Variants in DMTF1 observed in about 807,000 individuals in gnomAD.
DMTF1 encodes the protein cyclin D binding myb like transcription factor 1.
DMTF1 carries 39 observed loss-of-function variants against 91.1 expected under a neutral mutation model. The ratio of observed to expected loss-of-function variants is 0.43; its 90% confidence interval spans 0.33 to 0.56. The LOEUF is 0.56. DMTF1 is among the 20% of genes least tolerant of loss of function. DMTF1 has a pLI of 0.05. For synonymous variants in DMTF1, 338 were observed against 309.5 expected (o/e 1.09, Z -0.97); for missense variants, 750 against 914.5 (o/e 0.82, Z 2.32).
At chr7:87,178,202 A>G (rs1796637890) in intron 7 of DMTF1, among the ~76,000 whole-genome samples, 1 of 152,082 alleles carries the variant, frequency 6.6e-6, no homozygotes, top group South Asian at 2.1e-4. Context: ...CTAAGTTCTG[A>G]TGCTCTTAAT....
Position 87,194,065 on chromosome 7 carries a change from A to C in DMTF1, c.1991A>C (p.Glu664Ala). The C allele has an allele frequency of 6.2e-7, 1 of 1,609,260 alleles. No individual in the cohort carries two copies. Among genetic ancestry groups the C allele is most frequent in the Non-Finnish European group, 8.5e-7 (1 of 1,177,850 alleles). The change falls in exon 16 of 18, where the codon GAA becomes GCA. Residue 664 changes from glutamate (E) to alanine (A), a missense_variant. Glu to Ala is a moderately radical substitution (Grantham distance 107). Transcript: ENST00000331242. ...EISDTDLKQE[E>A]SPSDLASAYV... The stretch of plus-strand genomic sequence containing the variant: ...TCTGACACCGACCTTAAACAAGAGG[A>C]ATCACCCTCTGATTTAGCCAGTGCT...
chr7:87,176,333 T>C (rs1340873308), intron 7 of DMTF1, among the ~76,000 whole-genome samples: 1 of 152,236 alleles, frequency 6.6e-6, no homozygotes, highest in Non-Finnish European at 1.5e-5. Context: ...TGTCCTCTAG[T>C]CACATATGCT....
rs549252865 is a variant in DMTF1 at position 87,188,336 on chromosome 7, G to A, written c.1411+35G>A. The stretch of plus-strand genomic sequence containing the variant: ...TGATCTTCAAGATTCCTTGCTGTTT[G>A]ATCTATATGATTTGGTTAATGGCTC... On this transcript the variant is annotated intron_variant, in intron 13 of 17. Coordinates refer to ENST00000331242, the MANE Select transcript of DMTF1 (RefSeq NM_001142327.2). The A allele has an allele frequency of 1.1e-5, 17 of 1,608,258 alleles. No individual in the cohort carries two copies. The South Asian group carries it at 1.9e-4, about 18-fold the overall frequency.
At chr7:87,188,559 C>G (rs573932614) in intron 13 of DMTF1, among the ~76,000 whole-genome samples, 1 of 152,192 alleles carries the variant, frequency 6.6e-6, no homozygotes, top group South Asian at 2.1e-4. Flanking sequence ...TAATTAATGA[C>G]TTAATAGAAA....
At chr7:87,175,869 A>G (rs1260872656) in intron 7 of DMTF1, among the ~76,000 whole-genome samples, 1 of 152,210 alleles carries the variant, frequency 6.6e-6, no homozygotes, top group Non-Finnish European at 1.5e-5. Flanking sequence ...CCTATAAGAG[A>G]TGAGAAGCAT....
chr7:87,177,081 TTAGAA>T (rs1395381941), intron 7 of DMTF1, among the ~76,000 whole-genome samples: 1 of 152,128 alleles, frequency 6.6e-6, no homozygotes, highest in Non-Finnish European at 1.5e-5. Flanking sequence ...ATTCTAAAAT[TTAGAA>T]ATTTTTTGCT....
intron 4 of DMTF1, 54 bp downstream of exon 4, chr7:87,166,659 G>T: frequency 6.4e-7 from 1 of 1,563,332 alleles, no homozygotes; most frequent in Non-Finnish European, 8.8e-7. Context: ...TCAAAGTTTA[G>T]CTTCCAAGGC....
chr7:87,154,259 A>G (rs907699215), intron 1 of DMTF1: 4 of 152,334 alleles, frequency 2.6e-5, no homozygotes, highest in East Asian at 3.9e-4. Context: ...TTGTATCTGG[A>G]AAAAACCATT....
chr7:87,189,786 C>T (rs796754501), intron 13 of DMTF1, among the ~76,000 whole-genome samples: 11 of 152,192 alleles, frequency 7.2e-5, no homozygotes, highest in African/African-American at 2.4e-4. Flanking sequence ...AGCTTTTAAA[C>T]AACCCTTTGA....
Position 87,193,342 on chromosome 7 carries a change from C to G in DMTF1, c.1639C>G (p.His547Asp). Residue 547 changes from histidine to aspartate, a missense_variant, in exon 15 of 18, where the codon CAT becomes GAT. By Grantham distance (81) the His-to-Asp change is moderately conservative. Coordinates refer to ENST00000331242, the MANE Select transcript of DMTF1 (RefSeq NM_001142327.2). ...APASPEQIIV[H>D]ALSPEHLLNT... ...TGCTTCTCCTGAACAGATTATTGTT[C>G]ATGCTTTATCCGTATGTTACATAAA... 1 of 1,613,114 alleles carries G rather than the reference C, an allele frequency of 6.2e-7. No homozygotes were observed. The highest frequency in any genetic ancestry group is 8.5e-7 in the Non-Finnish European group (1 of 1,179,436).
In DMTF1 at chr7:87,193,223, C is replaced by T. The variant is rs985662747; in HGVS notation, c.1520C>T (p.Thr507Ile). ...LPSFHLQPTG[T>I]PGTYLLQTSS... Reference sequence around the variant, plus strand: ...TCTTTCCATCTACAGCCCACTGGCACTCCAGGCACCTACCTACTTCAAACA... The same window carrying T: ...TCTTTCCATCTACAGCCCACTGGCATTCCAGGCACCTACCTACTTCAAACA... Residue 507 changes from threonine (T) to isoleucine (I), a missense_variant, in exon 15 of 18, where the codon ACT (threonine) becomes ATT (isoleucine). Physicochemically the swap from Thr to Ile is moderately conservative, Grantham distance 89. This residue lies in a region of DMTF1 where 410 missense variants were observed against 420.2 expected (regional missense o/e 0.98). Transcript: ENST00000331242. 4 of 1,613,266 alleles carry T rather than the reference C, an allele frequency of 2.5e-6. No homozygotes were observed. The African/African-American group carries it at 5.3e-5, about 22-fold the overall frequency.
At chr7:87,194,188 T>G in intron 16 of DMTF1, 86 bp downstream of exon 16, 3 of 1,442,556 alleles carry the variant, frequency 2.1e-6, no homozygotes, top group Non-Finnish European at 1.8e-6. Context: ...TGAAGACTCA[T>G]GAAATTAAGC....
At position 87,179,672 on chromosome 7, in the gene DMTF1, G is replaced by A; in HGVS notation, c.647G>A (p.Arg216His). Residue 216 changes from arginine to histidine, a missense_variant, in exon 8 of 18, where the codon CGC (arginine) becomes CAC (histidine). By Grantham distance (29) the Arg-to-His change is conservative (BLOSUM62 0). Around this residue, in one of 3 missense-constraint regions of DMTF1, gnomAD observed 190 missense variants for 343.8 expected, o/e 0.55. Transcript: ENST00000331242. ...PLFAVYRRVLRMYDDRNHVGK... is the reference protein window; with the variant it reads ...PLFAVYRRVLHMYDDRNHVGK... Reference sequence around the variant, plus strand: ...TTTGCAGTTTATAGAAGAGTGCTTCGCATGTATGATGACAGAAACCATGTG... The same window carrying A: ...TTTGCAGTTTATAGAAGAGTGCTTCACATGTATGATGACAGAAACCATGTG... 1.3e-6 allele frequency: 2 copies of A among 1,580,882 alleles called. No homozygotes were observed. Among genetic ancestry groups the A allele is most frequent in the Non-Finnish European group, 8.6e-7 (1 of 1,168,228 alleles).
intron 4 of DMTF1, among the ~76,000 whole-genome samples, chr7:87,168,578 CATT>C (rs1301228082): frequency 1.3e-5 from 2 of 152,126 alleles, no homozygotes; most frequent in African/African-American, 4.8e-5. Flanking sequence ...TATGGTTAAT[CATT>C]ATAATCACTG....
chr7:87,162,272 A>C (rs905310112), intron 1 of DMTF1, among the ~76,000 whole-genome samples: 1 of 152,058 alleles, frequency 6.6e-6, no homozygotes, highest in Non-Finnish European at 1.5e-5. Flanking sequence ...ACTAGATCTC[A>C]CTATCTCAGG....
intron 1 of DMTF1, among the ~76,000 whole-genome samples, chr7:87,158,993 G>T (rs1168290930): frequency 6.6e-6 from 1 of 152,022 alleles, no homozygotes; most frequent in African/African-American, 2.4e-5. Context: ...CAGATTACAA[G>T]AAATGTTTCC....
chr7:87,174,771 A>G, intron 7 of DMTF1, 102 bp downstream of exon 7: 1 of 630,664 alleles, frequency 1.6e-6, no homozygotes, highest in Non-Finnish European at 2.7e-6. Context: ...CTTTTTACTT[A>G]TTTTTGTAAT....
At chr7:87,180,195 G>A (rs1331905297) in intron 8 of DMTF1, among the ~76,000 whole-genome samples, 1 of 152,132 alleles carries the variant, frequency 6.6e-6, no homozygotes, top group East Asian at 1.9e-4. Flanking sequence ...ATTATATACT[G>A]TTACTGACAT....
At chr7:87,177,200 C>G (rs1796439214) in intron 7 of DMTF1, among the ~76,000 whole-genome samples, 1 of 152,096 alleles carries the variant, frequency 6.6e-6, no homozygotes, top group South Asian at 2.1e-4. Flanking sequence ...TTCTGTAACT[C>G]AGTATTATTT....
Sources: allele counts gnomAD v4.1 joint callset (sites outside exome capture counted in the v4.1 genomes callset), GRCh38; gene constraint gnomAD v4.1.1; regional missense constraint gnomAD v4.1.1; transcripts MANE v1.5; gene names NCBI Gene and HGNC (gene_info 2026-07-23, HGNC 2026-07-21).